ELMO1: variants seen among roughly 807,000 people sequenced by gnomAD.
ELMO1 encodes the protein engulfment and cell motility 1, also known as engulfment and cell motility protein 1.
In ELMO1, 26 loss-of-function variants were observed where a neutral mutation model predicts 98.9. The observed-to-expected ratio is 0.26, with a 90% CI of 0.19 to 0.36. ELMO1 has a LOEUF of 0.36. Among genes scored for constraint, ELMO1 ranks in the 10% least tolerant of loss-of-function variants. The pLI is 1.00. For synonymous variants in ELMO1, 346 were observed against 346.0 expected (o/e 1.00, Z 0.00); for missense variants, 627 against 935.2 (o/e 0.67, Z 4.30).
chr7:37,106,101 T>A (rs557623012), intron 14 of ELMO1, among the ~76,000 whole-genome samples: 1 of 152,354 alleles, frequency 6.6e-6, no homozygotes, highest in South Asian at 2.1e-4. Flanking sequence ...CTCAAGCGTT[T>A]AGCTCATTTG....
chr7:36,989,482 A>T (rs866192889), intron 16 of ELMO1, among the ~76,000 whole-genome samples: 1 of 152,246 alleles, frequency 6.6e-6, no homozygotes, highest in East Asian at 1.9e-4. Context: ...ACCACAGTTT[A>T]GGAACCACTG....
At chr7:37,137,544 T>TC (rs1478641686) in intron 13 of ELMO1, among the ~76,000 whole-genome samples, 1 of 147,572 alleles carries the variant, frequency 6.8e-6, no homozygotes, top group African/African-American at 2.4e-5. Context: ...TCTCAGTAAT[T>TC]TTTTTTTTTT....
At chr7:36,937,053 T>C (rs762216245) in intron 16 of ELMO1, among the ~76,000 whole-genome samples, 1 of 152,212 alleles carries the variant, frequency 6.6e-6, no homozygotes, top group Non-Finnish European at 1.5e-5. Flanking sequence ...TGTTTTATTT[T>C]TGGCAGTCTC....
At position 37,366,902 on chromosome 7, in the gene ELMO1, T is replaced by A. The variant is rs186383768; in HGVS notation, c.-73-24139A>T. The stretch of plus-strand genomic sequence containing the variant: ...TGCGTTCTTATTCCCAGAAATCAGA[T>A]AACAGACTGATGAATTCTTTGAGAA... On this transcript the variant is annotated intron_variant, in intron 1 of 21. Transcript: ENST00000310758. Among the ~76,000 whole-genome samples the A allele has an allele frequency of 2.5e-4, 38 of 152,360 alleles. No homozygotes were observed. The East Asian group carries it at 4.8e-3, about 19-fold the overall frequency.
intron 15 of ELMO1, among the ~76,000 whole-genome samples, chr7:37,069,054 G>C (rs1312617945): frequency 6.6e-6 from 1 of 152,112 alleles, no homozygotes; most frequent in Non-Finnish European, 1.5e-5. Flanking sequence ...GTTCTATCCT[G>C]ACAGTAGGAC....
At chr7:36,907,729 C>T (rs1784062979) in intron 16 of ELMO1, among the ~76,000 whole-genome samples, 1 of 152,180 alleles carries the variant, frequency 6.6e-6, no homozygotes, top group African/African-American at 2.4e-5. Flanking sequence ...TTGGAGGACA[C>T]AGAATAAACA....
chr7:37,384,446 C>T (rs959493056), intron 1 of ELMO1, among the ~76,000 whole-genome samples: 6 of 152,060 alleles, frequency 3.9e-5, no homozygotes, highest in East Asian at 1.9e-4. Context: ...TCAGGCCAGG[C>T]GCAGTGGCTC....
chr7:36,888,544 C>T (rs1239108837), intron 17 of ELMO1, among the ~76,000 whole-genome samples: 1 of 152,176 alleles, frequency 6.6e-6, no homozygotes, highest in Non-Finnish European at 1.5e-5. Context: ...AGGCTCTGCT[C>T]ACGACTAGCA....
intron 4 of ELMO1, among the ~76,000 whole-genome samples, chr7:37,302,343 TAA>T (rs1310159159): frequency 2.0e-5 from 3 of 152,086 alleles, no homozygotes; most frequent in Non-Finnish European, 2.9e-5. Context: ...CTTGGAGAGA[TAA>T]AGTACAGCAG....
intron 1 of ELMO1, among the ~76,000 whole-genome samples, chr7:37,440,168 G>A (rs755006805): frequency 9.2e-5 from 14 of 152,284 alleles, no homozygotes; most frequent in Middle Eastern, 6.8e-3. Flanking sequence ...TAGGGGCCAG[G>A]CACAGTGGCT....
intron 16 of ELMO1, among the ~76,000 whole-genome samples, chr7:36,921,840 T>C (rs1785174468): frequency 6.6e-6 from 1 of 152,208 alleles, no homozygotes; most frequent in African/African-American, 2.4e-5. Context: ...CCTGGGGCAT[T>C]TGCTGGGCTT....
In ELMO1 at chr7:37,342,616, A is replaced by G; in HGVS notation, c.75T>C (p.Asp25=). Residue 25 remains aspartate, a synonymous_variant, in exon 2 of 22, where the codon GAT becomes GAC. Transcript: ENST00000310758. The surrounding 1 kb of genome is among the most constrained non-coding windows in gnomAD (Gnocchi z 4.3). The stretch of plus-strand genomic sequence containing the variant: ...CCAATGCTGTCACGTTACTAACCTG[A>G]TCAATTTCCATGAGTTTGGGGTAGG... ...PGAYPKLMEI[D]QKKPLSAIIK... 6.2e-7 allele frequency: 1 copy of G among 1,613,962 alleles called. No individual in the cohort carries two copies. The highest frequency in any genetic ancestry group is 1.7e-5 in the Admixed American group (1 of 59,958).
intron 1 of ELMO1, among the ~76,000 whole-genome samples, chr7:37,415,080 T>A (rs10238919): frequency 0.17 from 25,437 of 152,182 alleles, 2,284 homozygotes; most frequent in South Asian, 0.26. Flanking sequence ...CTTTGGGGCC[T>A]TGGTACTCAT....
chr7:36,895,782 C>T (rs1355491642), intron 16 of ELMO1, among the ~76,000 whole-genome samples: 1 of 152,216 alleles, frequency 6.6e-6, no homozygotes, highest in African/African-American at 2.4e-5. Context: ...ACAGAAGCAT[C>T]TCAGAGCTTG....
intron 16 of ELMO1, among the ~76,000 whole-genome samples, chr7:37,004,319 A>G (rs1792896706): frequency 6.6e-6 from 1 of 152,180 alleles, no homozygotes; most frequent in Admixed American, 6.5e-5. Context: ...CCAGTTAACA[A>G]CTGGTTTCTA....
At position 37,047,140 on chromosome 7, in the gene ELMO1, T is replaced by C. The variant is rs78141543; in HGVS notation, c.1301-33705A>G. On this transcript the variant is annotated intron_variant, in intron 15 of 21. Coordinates refer to ENST00000310758, the MANE Select transcript of ELMO1 (RefSeq NM_014800.11). ...GAACCAAAATGAATGTCTACAGGCA[T>C]AGAGCTATGGCTGGCTCACCTTTCT... Among the ~76,000 whole-genome samples, 88 of 152,366 alleles carry C rather than the reference T, an allele frequency of 5.8e-4. 1 individual carries two copies. The highest frequency in any genetic ancestry group is 1.4e-3 in the South Asian group (7 of 4,830).
At chr7:37,258,127 G>T (rs1795785871) in intron 6 of ELMO1, among the ~76,000 whole-genome samples, 2 of 152,206 alleles carry the variant, frequency 1.3e-5, no homozygotes, top group African/African-American at 4.8e-5. Context: ...AATTAGCTAG[G>T]TGTGGTGGCA....
intron 1 of ELMO1, among the ~76,000 whole-genome samples, chr7:37,388,864 T>G (rs868620278): frequency 2.0e-5 from 3 of 152,212 alleles, no homozygotes; most frequent in Non-Finnish European, 4.4e-5. Context: ...ACGTTCTGCA[T>G]GTCAACAAGA....
Position 37,103,587 on chromosome 7 carries a change from G to A in ELMO1, c.1192-6860C>T, listed in dbSNP as rs547865061. 4.0e-5 allele frequency among the ~76,000 whole-genome samples: 6 copies of A among 151,488 alleles called. No homozygotes were observed. The East Asian group carries it at 9.8e-4, about 25-fold the overall frequency. ...ATTAGGTTATCTAATGTTAAATGAC[G>A]AGTTAATGGGTGCAGCACAACGTGG... On this transcript the variant is annotated intron_variant, in intron 14 of 21. Coordinates refer to ENST00000310758, the MANE Select transcript of ELMO1 (RefSeq NM_014800.11).
Sources: allele counts gnomAD v4.1 joint callset (sites outside exome capture counted in the v4.1 genomes callset), GRCh38; gene constraint gnomAD v4.1.1; non-coding constraint Gnocchi (gnomAD v3.1); transcripts MANE v1.5; gene names NCBI Gene and HGNC (gene_info 2026-07-23, HGNC 2026-07-21).